Variants in NEK11 observed in about 807,000 individuals in gnomAD.
NEK11 encodes the protein serine/threonine-protein kinase Nek11.
NEK11 carries 72 observed loss-of-function variants against 80.7 expected under a neutral mutation model. That is an observed-to-expected ratio of 0.89 (90% CI 0.74 to 1.08). The LOEUF is 1.08. NEK11 is among the 50% of genes least tolerant of loss of function. NEK11 has a pLI of 0.00. For synonymous variants in NEK11, 251 were observed against 260.7 expected (o/e 0.96, Z 0.36); for missense variants, 764 against 763.6 (o/e 1.00, Z -0.01).
chr3:131,136,729 A>G (rs1397057333), intron 7 of NEK11, among the ~76,000 whole-genome samples: 1 of 152,206 alleles, frequency 6.6e-6, no homozygotes, highest in Non-Finnish European at 1.5e-5. Flanking sequence ...AGTTATTTGC[A>G]AAGTTAGGAT....
intron 3 of NEK11, among the ~76,000 whole-genome samples, chr3:131,071,550 G>C (rs1414368965): frequency 6.6e-6 from 1 of 151,846 alleles, no homozygotes; most frequent in African/African-American, 2.4e-5. Flanking sequence ...AGGGAAGAAG[G>C]ATAACACTGG....
intron 14 of NEK11, among the ~76,000 whole-genome samples, chr3:131,211,782 C>T (rs1208483578): frequency 1.3e-5 from 2 of 152,150 alleles, no homozygotes; most frequent in African/African-American, 2.4e-5. Context: ...CTTGTGCATG[C>T]GTCACGTAGT....
rs2096747765 is a variant in NEK11 at position 131,308,760 on chromosome 3, A to T, written c.1718+35186A>T. 2.0e-5 allele frequency among the ~76,000 whole-genome samples: 3 copies of T among 152,186 alleles called. No individual in the cohort carries two copies. In the South Asian group the frequency reaches 6.2e-4, roughly 31 times the overall value. ...GTAATTGCCATTGGATGATTTCTAT[A>T]ACCTGTGCATCATCTAACGCAGCTG... On this transcript the variant is annotated intron_variant, in intron 17 of 17. Coordinates refer to ENST00000383366, the MANE Select transcript of NEK11 (RefSeq NM_024800.5).
chr3:131,242,830 A>G (rs1406491512), intron 15 of NEK11, among the ~76,000 whole-genome samples: 2 of 152,124 alleles, frequency 1.3e-5, no homozygotes, highest in Non-Finnish European at 2.9e-5. Context: ...TGGAGGACAA[A>G]TTTATTTTGT....
intron 16 of NEK11, among the ~76,000 whole-genome samples, chr3:131,247,527 T>C (rs1481043741): frequency 6.6e-6 from 1 of 152,102 alleles, no homozygotes; most frequent in Non-Finnish European, 1.5e-5. Flanking sequence ...TATGGCCTTA[T>C]AATATAGTAT....
chr3:131,203,650 A>T (rs1190332501), intron 14 of NEK11, among the ~76,000 whole-genome samples: 1 of 87,770 alleles, frequency 1.1e-5, no homozygotes, highest in Non-Finnish European at 2.2e-5. Context: ...ATTGTGATAC[A>T]CACACACACA....
rs1271338437 is a variant in NEK11 at position 131,087,332 on chromosome 3, C to A, written c.336+6744C>A. Among the ~76,000 whole-genome samples, 4 of 150,294 alleles carry A rather than the reference C, an allele frequency of 2.7e-5. No homozygotes were observed. The South Asian group carries it at 6.3e-4, about 24-fold the overall frequency. On this transcript the variant is annotated intron_variant, in intron 4 of 17. Coordinates refer to ENST00000383366, the MANE Select transcript of NEK11 (RefSeq NM_024800.5). ...AATCTCAGCTCACTGCAACCTCTGC[C>A]TCCCAGGTTCAAGCAATTCTCCTGC...
At chr3:131,152,785 G>A in intron 9 of NEK11, 76 bp downstream of exon 9, 1 of 1,019,434 alleles carries the variant, frequency 9.8e-7, no homozygotes, top group Non-Finnish European at 1.5e-6. Context: ...AAGATATGCA[G>A]TGGGGATATG....
chr3:131,328,536 A>G (rs980429473), intron 17 of NEK11: 1 of 152,194 alleles, frequency 6.6e-6, no homozygotes, highest in African/African-American at 2.4e-5. Flanking sequence ...ATCTGGAAAC[A>G]AAAATATATA....
intron 4 of NEK11, among the ~76,000 whole-genome samples, chr3:131,098,371 C>T (rs952194342): frequency 6.6e-6 from 1 of 152,056 alleles, no homozygotes; most frequent in Non-Finnish European, 1.5e-5. Context: ...AACAGGCAAC[C>T]TACAAAATTG....
At position 131,159,642 on chromosome 3, in the gene NEK11, G is replaced by A. The variant is rs1160241943; in HGVS notation, c.963-2766G>A. On this transcript the variant is annotated intron_variant, in intron 10 of 17. Transcript: ENST00000383366. Reference sequence around the variant, plus strand: ...TAGCCAGGTGTAGTGGTATGTGCCTGTAATCCCAGTTACCAAGGAGGCTGC... The same window carrying A: ...TAGCCAGGTGTAGTGGTATGTGCCTATAATCCCAGTTACCAAGGAGGCTGC... 2.0e-5 allele frequency among the ~76,000 whole-genome samples: 3 copies of A among 152,144 alleles called. No homozygotes were observed. In the East Asian group the frequency reaches 5.8e-4, roughly 29 times the overall value.
At chr3:131,118,705 G>GTGTA (rs1298322616) in intron 5 of NEK11, among the ~76,000 whole-genome samples, 2 of 152,146 alleles carry the variant, frequency 1.3e-5, no homozygotes, top group Non-Finnish European at 2.9e-5. Context: ...TCTTGGGAGG[G>GTGTA]TGTATGTGTC....
chr3:131,222,933 G>T (rs1484051344), intron 14 of NEK11, among the ~76,000 whole-genome samples: 1 of 152,204 alleles, frequency 6.6e-6, no homozygotes, highest in Non-Finnish European at 1.5e-5. Flanking sequence ...CATTTTCCTG[G>T]AACAGGGTGA....
At chr3:131,335,384 T>G (rs1301969268) in intron 17 of NEK11, among the ~76,000 whole-genome samples, 1 of 152,208 alleles carries the variant, frequency 6.6e-6, no homozygotes, top group African/African-American at 2.4e-5. Flanking sequence ...ATTATCTCAA[T>G]AGATGCAGAA....
chr3:131,263,124 G>T (rs1479496295), intron 16 of NEK11, among the ~76,000 whole-genome samples: 2 of 151,024 alleles, frequency 1.3e-5, no homozygotes, highest in Non-Finnish European at 2.9e-5. Context: ...TGCCATGTTG[G>T]TGTGTGCACC....
rs759235781 is a variant in NEK11, at chr3:131,273,568, T to C, written c.1712T>C (p.Met571Thr). 1 of 1,612,806 alleles carries C rather than the reference T, an allele frequency of 6.2e-7. No homozygotes were observed. Among genetic ancestry groups the C allele is most frequent in the Non-Finnish European group, 8.5e-7 (1 of 1,178,936 alleles). ...SVMARTKMKR[M>T]RESAMQKLGT... Reference sequence around the variant, plus strand: ...ATGGCCAGGACCAAGATGAAACGCATGAGGGAGTAAGTAGCATGTTGCCTG... The same window carrying C: ...ATGGCCAGGACCAAGATGAAACGCACGAGGGAGTAAGTAGCATGTTGCCTG... Residue 571 changes from methionine (M) to threonine (T), a missense_variant, in exon 17 of 18, where the codon ATG (methionine) becomes ACG (threonine). By Grantham distance (81) the Met-to-Thr change is moderately conservative. Transcript: ENST00000383366.
At chr3:131,177,294 C>T (rs974660365) in intron 14 of NEK11, among the ~76,000 whole-genome samples, 9 of 152,284 alleles carry the variant, frequency 5.9e-5, no homozygotes, top group African/African-American at 2.2e-4. Context: ...TTTCTGTCAT[C>T]TGCAGTTTTC....
chr3:131,299,273 A>G (rs1433300681), intron 17 of NEK11, among the ~76,000 whole-genome samples: 1 of 152,198 alleles, frequency 6.6e-6, no homozygotes, highest in Non-Finnish European at 1.5e-5. Context: ...CAGTGGTGCC[A>G]TCTCAGCTCA....
intron 5 of NEK11, 123 bp from the exon 6 acceptor site, chr3:131,132,622 A>G: frequency 3.6e-6 from 2 of 552,004 alleles, no homozygotes; most frequent in Admixed American, 4.1e-5. Flanking sequence ...TAAACATTGA[A>G]AGATATATCT....
Sources: gnomAD v4.1 joint callset for allele counts (sites outside exome capture counted in the v4.1 genomes callset) on GRCh38, gnomAD v4.1.1 for gene constraint, MANE v1.5 for transcripts, NCBI Gene and HGNC (gene_info 2026-07-23, HGNC 2026-07-21) for gene names.